The following INSL6 variants were observed in gnomAD, a reference collection of about 807,000 sequenced individuals.
INSL6 encodes the protein insulin-like peptide INSL6.
A neutral mutation model predicts 9.4 loss-of-function variants in INSL6; 16 were observed. The observed-to-expected ratio is 1.70, with a 90% CI of 1.15 to 2.59. The LOEUF (loss-of-function observed/expected upper bound fraction) is 2.59. Ranked by LOEUF, INSL6 falls within the 30% of genes most tolerant of loss-of-function variation. The pLI is 0.00. For missense variants in INSL6, 391 were observed against 257.3 expected, an observed-to-expected ratio of 1.52 and a Z score of -3.56; for synonymous variants, 154 against 96.9, an observed-to-expected ratio of 1.59 and a Z score of -3.46.
the INSL6 span, chr9:5,090,398 AG>A: frequency 7.8e-7 from 1 of 1,286,846 alleles, no homozygotes; most frequent in Non-Finnish European, 1.0e-6. Context: ...ATATTTAATC[AG>A]TATAATATGG....
At chr9:5,086,593 T>TA in the INSL6 span, among the ~76,000 whole-genome samples, 768 of 150,614 alleles carry the variant, frequency 5.1e-3, 5 homozygotes, top group African/African-American at 0.014. Context: ...TTCCAATACT[T>TA]AAAAAAAAAA....
chr9:5,080,887 CTTTTCT>C, the INSL6 span, among the ~76,000 whole-genome samples: 8 of 134,302 alleles, frequency 6.0e-5, no homozygotes, highest in African/African-American at 2.3e-4. Context: ...ATAAAAAGAC[CTTTTCT>C]TTTTTTTTTT....
At chr9:5,129,604 AG>A (rs1353570017) in intron 3 of INSL6, among the ~76,000 whole-genome samples, 3 of 152,166 alleles carry the variant, frequency 2.0e-5, no homozygotes, top group African/African-American at 7.2e-5. Flanking sequence ...ACAAAAGACT[AG>A]GTTTTATGAG....
At chr9:5,131,855 C>T (rs761798677) in intron 3 of INSL6, 1 of 152,118 alleles carries the variant, frequency 6.6e-6, no homozygotes, top group Non-Finnish European at 1.5e-5. Context: ...CACTTACTGA[C>T]TACAGTTAAG....
chr9:5,168,586 A>G (rs1036382269), intron 1 of INSL6, among the ~76,000 whole-genome samples: 3 of 152,160 alleles, frequency 2.0e-5, no homozygotes, highest in Admixed American at 2.0e-4. Flanking sequence ...ATTATCTTAC[A>G]AGACTGAACC....
At chr9:5,076,038 G>T in the INSL6 span, among the ~76,000 whole-genome samples, 1 of 151,886 alleles carries the variant, frequency 6.6e-6, no homozygotes, top group Non-Finnish European at 1.5e-5. Flanking sequence ...TGGAAACAGA[G>T]AACTAAGAAG....
downstream of INSL6, among the ~76,000 whole-genome samples, chr9:5,162,019 T>C (rs1450508513): frequency 1.3e-5 from 2 of 151,706 alleles, no homozygotes; most frequent in Non-Finnish European, 2.9e-5. Flanking sequence ...GTTGAGGGTG[T>C]AGTGAGCTGT....
the INSL6 span, among the ~76,000 whole-genome samples, chr9:5,056,177 A>C: frequency 6.6e-6 from 1 of 152,222 alleles, no homozygotes; most frequent in Admixed American, 6.5e-5. Context: ...AAATAAATCA[A>C]TGATGTCTGG....
chr9:5,031,647 C>A, the INSL6 span, among the ~76,000 whole-genome samples: 1 of 152,170 alleles, frequency 6.6e-6, no homozygotes, highest in East Asian at 1.9e-4. Context: ...GAACTGAATT[C>A]AAGTCCTTGG....
the INSL6 span, chr9:5,030,035 T>C: frequency 1.4e-6 from 1 of 702,498 alleles, no homozygotes; most frequent in Non-Finnish European, 2.3e-6. Context: ...CATTTAAGAT[T>C]TCATTTAAGA....
chr9:5,069,501 A>C, the INSL6 span, among the ~76,000 whole-genome samples: 1 of 152,162 alleles, frequency 6.6e-6, no homozygotes, highest in Non-Finnish European at 1.5e-5. Flanking sequence ...TGTTGTTTTA[A>C]GTAAAAATTT....
the INSL6 span, chr9:5,055,778 G>C: frequency 6.2e-7 from 1 of 1,609,852 alleles, no homozygotes; most frequent in South Asian, 1.1e-5. Context: ...AAGCAAGATG[G>C]TAAAAATCTG....
At chr9:5,151,982 G>T (rs895647517) in intron 2 of INSL6, among the ~76,000 whole-genome samples, 1 of 151,882 alleles carries the variant, frequency 6.6e-6, no homozygotes, top group Admixed American at 6.6e-5. Context: ...TAAGAAAGCT[G>T]GAATATTAGC....
At chr9:5,066,073 A>C in the INSL6 span, among the ~76,000 whole-genome samples, 8 of 152,262 alleles carry the variant, frequency 5.3e-5, no homozygotes, top group African/African-American at 1.4e-4. Context: ...ACTATGTGCA[A>C]GCATTGGTTT....
In INSL6 at chr9:5,147,208, A is replaced by G. The variant is rs145803538; in HGVS notation, c.377-13616T>C. On this transcript the variant is annotated intron_variant, in intron 2 of 3. Coordinates refer to the INSL6 transcript ENST00000649639. ...TGTGGGTCAACAATTTCTCAGTGCA[A>G]TCAGCCCAGGATGGAGGGTCTGTGC... is the stretch of plus-strand genomic sequence containing the variant. Among the ~76,000 whole-genome samples the G allele has an allele frequency of 4.3e-3, 651 of 152,166 alleles. 3 individuals carry two copies. The highest frequency in any genetic ancestry group is 0.015 in the African/African-American group (617 of 41,510).
chr9:5,072,833 T>C, the INSL6 span, among the ~76,000 whole-genome samples: 41 of 152,330 alleles, frequency 2.7e-4, no homozygotes, highest in African/African-American at 9.4e-4. Context: ...AAACTAATTA[T>C]GTTTAGCATT....
At chr9:5,041,715 G>C in the INSL6 span, 10 of 501,344 alleles carry the variant, frequency 2.0e-5, no homozygotes, top group Non-Finnish European at 4.0e-5. Context: ...CTCTGAGTAC[G>C]AGGGGCTCGG....
At chr9:5,091,437 G>A in the INSL6 span, 2,193 of 152,386 alleles carry the variant, frequency 0.014, 25 homozygotes, top group Non-Finnish European at 0.019. Flanking sequence ...TGGTGATCAC[G>A]GTTGATTTTA....
downstream of INSL6, among the ~76,000 whole-genome samples, chr9:5,120,716 T>G (rs1823549584): frequency 6.6e-6 from 1 of 152,178 alleles, no homozygotes; most frequent in South Asian, 2.1e-4. Flanking sequence ...ATGTAAACTG[T>G]AACAATGGGT....
Sources: allele counts gnomAD v4.1 joint callset (sites outside exome capture counted in the v4.1 genomes callset), GRCh38; gene constraint gnomAD v4.1.1; transcripts MANE v1.5; gene names NCBI Gene and HGNC (gene_info 2026-07-23, HGNC 2026-07-21).